The following MAP2K5 variants were observed in gnomAD, a reference collection of about 807,000 sequenced individuals.
The protein encoded by MAP2K5 is mitogen-activated protein kinase kinase 5.
In MAP2K5, 49 loss-of-function variants were observed where a neutral mutation model predicts 83.1. The ratio of observed to expected loss-of-function variants is 0.59; its 90% CI spans 0.47 to 0.75. The LOEUF is 0.75. Ranked by LOEUF, MAP2K5 falls within the 30% of genes least tolerant of loss-of-function variation. MAP2K5 has a pLI of 0.00. For missense variants in MAP2K5, 457 were observed against 557.5 expected (o/e 0.82, Z 1.82); for synonymous variants, 202 against 191.8 (o/e 1.05, Z -0.44).
chr15:67,805,130 C>T (rs1416091671), intron 21 of MAP2K5, among the ~76,000 whole-genome samples: 2 of 152,218 alleles, frequency 1.3e-5, no homozygotes, highest in East Asian at 1.9e-4. Context: ...GGTCCCTGCC[C>T]GGGGTTGAGT....
rs544260303 is a variant in MAP2K5 at position 67,642,461 on chromosome 15, C to A, written c.586-3770C>A. 191 of 1,609,190 alleles carry A rather than the reference C, an allele frequency of 1.2e-4. 2 individuals are homozygous for A. The South Asian group carries it at 2.1e-3, about 18-fold the overall frequency. ...CAAGGCAGAATGTACATATTGAGGG[C>A]CAGAGCTAGAGATGAATTTTGATGG... On this transcript the variant is annotated intron_variant, in intron 9 of 21. Coordinates refer to ENST00000178640, the MANE Select transcript of MAP2K5 (RefSeq NM_145160.3).
rs1247455007 is a variant in MAP2K5, at chr15:67,760,522, A to G, written c.1135-9080A>G. On this transcript the variant is annotated intron_variant, in intron 19 of 21. Transcript: ENST00000178640. This position sits in a 1 kb window ranked among gnomAD's most constrained non-coding sequence, Gnocchi z 4.1. ...AGACCTTATCCATTTCTTCTTTTTT[A>G]CTAACCAAAATATTAACATAAACAT... is the stretch of plus-strand genomic sequence containing the variant. 1.3e-5 allele frequency among the ~76,000 whole-genome samples: 2 copies of G among 152,208 alleles called. No individual in the cohort carries two copies. The highest frequency in any genetic ancestry group is 2.9e-5 in the Non-Finnish European group (2 of 68,034).
intron 13 of MAP2K5, among the ~76,000 whole-genome samples, chr15:67,684,408 A>G (rs567454495): frequency 6.6e-6 from 1 of 152,338 alleles, no homozygotes; most frequent in Admixed American, 6.5e-5. Flanking sequence ...CTCCTAAAAT[A>G]AAAGGTCTAA....
At chr15:67,716,394 G>T (rs2088827455) in intron 16 of MAP2K5, among the ~76,000 whole-genome samples, 1 of 152,112 alleles carries the variant, frequency 6.6e-6, no homozygotes, top group Non-Finnish European at 1.5e-5. Flanking sequence ...TAACTGAGTG[G>T]TATTGGATTA....
chr15:67,804,667 G>A (rs2090766619), intron 21 of MAP2K5, among the ~76,000 whole-genome samples: 1 of 152,212 alleles, frequency 6.6e-6, no homozygotes, highest in Non-Finnish European at 1.5e-5. Context: ...GGAGCATATG[G>A]GCCCCAAAGT....
chr15:67,597,205 GTATTGT>G (rs2085547464), intron 7 of MAP2K5, among the ~76,000 whole-genome samples: 2 of 151,828 alleles, frequency 1.3e-5, no homozygotes, highest in African/African-American at 4.8e-5. Flanking sequence ...AAACTACTTG[GTATTGT>G]TGTTGAATAA....
chr15:67,624,560 A>G (rs2086266688), intron 8 of MAP2K5, among the ~76,000 whole-genome samples: 2 of 151,686 alleles, frequency 1.3e-5, no homozygotes, highest in African/African-American at 2.4e-5. Context: ...CCTAGAATAC[A>G]GGTAAAAAAA....
intron 17 of MAP2K5, among the ~76,000 whole-genome samples, chr15:67,740,458 G>T (rs958796961): frequency 5.3e-5 from 8 of 151,944 alleles, no homozygotes; most frequent in Non-Finnish European, 1.2e-4. Flanking sequence ...TCTTCACATG[G>T]GCACACACCT....
In MAP2K5 at chr15:67,542,776, G is replaced by C. The variant is rs1287346841; in HGVS notation, c.-560G>C. Reference sequence around the variant, plus strand: ...CCGCCGCCAGTCCGCGCGGCCTCGGGTGGCCGGAGCTCAGCCTGCGCGCGC... The same window carrying C: ...CCGCCGCCAGTCCGCGCGGCCTCGGCTGGCCGGAGCTCAGCCTGCGCGCGC... On this transcript the variant is annotated 5_prime_UTR_variant, in exon 1 of 22. Coordinates refer to ENST00000178640, the MANE Select transcript of MAP2K5 (RefSeq NM_145160.3). 2.6e-5 allele frequency: 4 copies of C among 155,120 alleles called. No individual in the cohort carries two copies. The highest frequency in any genetic ancestry group is 9.7e-5 in the African/African-American group (4 of 41,370). The allele number at this position is 155,120 out of a possible 1,614,324, so 9.6% of individuals were successfully genotyped here.
Position 67,637,921 on chromosome 15 carries a change from A to T in MAP2K5, c.585+6994A>T, listed in dbSNP as rs56151723. On this transcript the variant is annotated intron_variant, in intron 9 of 21. Coordinates refer to ENST00000178640, the MANE Select transcript of MAP2K5 (RefSeq NM_145160.3). The surrounding 1 kb of genome is among the most constrained non-coding windows in gnomAD (Gnocchi z 4.5). ...CTGGAAGCCTGTTGATGTGTGTGTG[A>T]GTGTGTGTGTATGTGTGTTTTAGTA... Among the ~76,000 whole-genome samples, 149,177 of 151,908 alleles carry T rather than the reference A, an allele frequency of 0.98. 73,308 individuals are homozygous for T. The highest frequency in any genetic ancestry group is 1 in the Middle Eastern group (294 of 294).
At chr15:67,726,791 T>G (rs1340892110) in intron 16 of MAP2K5, among the ~76,000 whole-genome samples, 1 of 152,244 alleles carries the variant, frequency 6.6e-6, no homozygotes, top group Non-Finnish European at 1.5e-5. Context: ...GATTCTGCTT[T>G]GAAAGTAATT....
At chr15:67,804,604 G>A (rs1286530026) in intron 21 of MAP2K5, among the ~76,000 whole-genome samples, 3 of 152,198 alleles carry the variant, frequency 2.0e-5, no homozygotes, top group African/African-American at 4.8e-5. Context: ...ACGCCTCTAC[G>A]CTCCCTCCTG....
intron 21 of MAP2K5, among the ~76,000 whole-genome samples, chr15:67,791,289 A>T (rs1307451815): frequency 6.6e-6 from 1 of 152,192 alleles, no homozygotes. Flanking sequence ...GAAGGATCAA[A>T]GGGCTTCAAA....
intron 8 of MAP2K5, among the ~76,000 whole-genome samples, chr15:67,617,486 A>T (rs1039907640): frequency 1.3e-5 from 2 of 152,278 alleles, no homozygotes; most frequent in Admixed American, 1.3e-4. Flanking sequence ...GTCAGCTGGG[A>T]TGATTCATAT....
chr15:67,667,810 G>C (rs955703684), intron 13 of MAP2K5, among the ~76,000 whole-genome samples: 1 of 152,182 alleles, frequency 6.6e-6, no homozygotes, highest in Non-Finnish European at 1.5e-5. Context: ...GCTATAGAAA[G>C]TGTATAAATA....
intron 21 of MAP2K5, among the ~76,000 whole-genome samples, chr15:67,805,654 G>A (rs1363308153): frequency 6.6e-6 from 1 of 152,168 alleles, no homozygotes; most frequent in East Asian, 1.9e-4. Flanking sequence ...AGAGCTGGGG[G>A]CAGGCACATG....
In MAP2K5 at chr15:67,727,944, A is replaced by G. The variant is rs2089137182; in HGVS notation, c.1073A>G (p.Gln358Arg). The change falls in exon 17 of 22, where the codon CAG becomes CGG. Residue 358 changes from glutamine to arginine, a missense_variant and splice_region_variant. Gln to Arg is a conservative substitution (Grantham distance 43, BLOSUM62 1). Around this residue, in one of 3 missense-constraint regions of MAP2K5, gnomAD observed 168 missense variants for 263.0 expected, o/e 0.64. Coordinates refer to ENST00000178640, the MANE Select transcript of MAP2K5 (RefSeq NM_145160.3). ...GCTCTTGGGAGGTTTCCATATCCTC[A>G]GGTAAGATTGTTCATTACTGCTGTT... ...ELALGRFPYPQIQKNQGSLMP... is the reference protein window; with the variant it reads ...ELALGRFPYPRIQKNQGSLMP... 1 of 1,611,484 alleles carries G rather than the reference A, an allele frequency of 6.2e-7. No individual in the cohort carries two copies. The highest frequency in any genetic ancestry group is 1.3e-5 in the African/African-American group (1 of 74,876).
rs2090225185 is a variant in MAP2K5, at chr15:67,775,676, C to T, written c.1242+2924C>T. Among the ~76,000 whole-genome samples the T allele has an allele frequency of 6.6e-6, 1 of 152,132 alleles. No homozygotes were observed. Among genetic ancestry groups the T allele is most frequent in the African/African-American group, 2.4e-5 (1 of 41,400 alleles). On this transcript the variant is annotated intron_variant, in intron 21 of 21. Coordinates refer to ENST00000178640, the MANE Select transcript of MAP2K5 (RefSeq NM_145160.3). This position sits in a 1 kb window ranked among gnomAD's most constrained non-coding sequence, Gnocchi z 5.3. ...AAGAACTGCAGGGTTCTGTGGAGAT[C>T]CATCTGGGGAAATGAGGAAAAACTG...
intron 13 of MAP2K5, among the ~76,000 whole-genome samples, chr15:67,686,389 G>A (rs1038068891): frequency 2.0e-5 from 3 of 151,878 alleles, no homozygotes; most frequent in East Asian, 1.9e-4. Flanking sequence ...AGCAGATCAC[G>A]TGAGTTCAGG....
Sources: allele counts gnomAD v4.1 joint callset (sites outside exome capture counted in the v4.1 genomes callset), GRCh38; gene constraint gnomAD v4.1.1; regional missense constraint gnomAD v4.1.1; non-coding constraint Gnocchi (gnomAD v3.1); transcripts MANE v1.5; gene names NCBI Gene and HGNC (gene_info 2026-07-23, HGNC 2026-07-21).